GRM7: variants seen among roughly 807,000 people sequenced by gnomAD.
GRM7 encodes glutamate metabotropic receptor 7.
A neutral mutation model predicts 84.5 loss-of-function variants in GRM7; 35 were observed. That is an observed-to-expected ratio of 0.41 (90% CI 0.32 to 0.55). The LOEUF is 0.55. GRM7 is among the 20% of genes least tolerant of loss of function. The probability of loss-of-function intolerance (pLI) is 0.19; values close to 1 mark genes in which losing one functional copy is unlikely to be tolerated. For synonymous variants in GRM7, 487 were observed against 455.1 expected (o/e 1.07, Z -0.89); for missense variants, 1,003 against 1,194.6 (o/e 0.84, Z 2.36).
At chr3:7,715,470 C>G (rs1181970166) in intron 9 of GRM7, among the ~76,000 whole-genome samples, 1 of 151,996 alleles carries the variant, frequency 6.6e-6, no homozygotes, top group East Asian at 1.9e-4. Context: ...TGTCTCAAAA[C>G]AAATAAAGCA....
chr3:7,725,053 T>G (rs181216431), intron 9 of GRM7, among the ~76,000 whole-genome samples: 65 of 152,306 alleles, frequency 4.3e-4, no homozygotes, highest in African/African-American at 1.4e-3. Flanking sequence ...GGATATAATT[T>G]TCATCAAGAC....
rs1051414550 is a variant in GRM7, at chr3:7,519,390, C to T, written c.1515+57668C>T. On this transcript the variant is annotated intron_variant, in intron 7 of 9. Transcript: ENST00000357716. Reference sequence around the variant, plus strand: ...AAAAAAAAAATGCCAAACATATTTGCCATTATATTTTCATTCCTGCTGGAA... The same window carrying T: ...AAAAAAAAAATGCCAAACATATTTGTCATTATATTTTCATTCCTGCTGGAA... 2.7e-5 allele frequency among the ~76,000 whole-genome samples: 4 copies of T among 146,154 alleles called. No homozygotes were observed. In the South Asian group the frequency reaches 6.7e-4, roughly 24 times the overall value.
intron 2 of GRM7, among the ~76,000 whole-genome samples, chr3:7,295,813 T>C (rs2125017376): frequency 6.7e-6 from 1 of 148,808 alleles, no homozygotes; most frequent in East Asian, 1.9e-4. Flanking sequence ...GGAGATTTTT[T>C]GATAGCTTTT....
intron 7 of GRM7, among the ~76,000 whole-genome samples, chr3:7,572,823 AATATAT>A (rs1158871205): frequency 0.018 from 222 of 12,230 alleles, 1 homozygote; most frequent in East Asian, 0.03. Context: ...CTCTATCTCA[AATATAT>A]ATATATATAT....
chr3:7,654,939 T>C (rs1699112152), intron 8 of GRM7, among the ~76,000 whole-genome samples: 2 of 152,206 alleles, frequency 1.3e-5, no homozygotes, highest in Admixed American at 6.5e-5. Flanking sequence ...TTTCTTACCT[T>C]CCTCTCTTCC....
intron 1 of GRM7, among the ~76,000 whole-genome samples, chr3:6,938,974 T>A (rs1697790403): frequency 6.6e-6 from 1 of 152,188 alleles, no homozygotes; most frequent in Admixed American, 6.5e-5. Flanking sequence ...TCAAATTAAT[T>A]CAGTGCATAA....
intron 8 of GRM7, among the ~76,000 whole-genome samples, chr3:7,645,359 C>A (rs3792442): frequency 2.0e-4 from 31 of 151,558 alleles, no homozygotes; most frequent in Admixed American, 1.1e-3. Flanking sequence ...CCATCCTGGC[C>A]AACATGGTGA....
intron 2 of GRM7, among the ~76,000 whole-genome samples, chr3:7,186,635 C>A (rs765495324): frequency 1.3e-5 from 2 of 152,158 alleles, no homozygotes; most frequent in Admixed American, 6.5e-5. Context: ...GTCTGTCTAT[C>A]TAATCTATCT....
At chr3:6,896,972 C>G (rs185497699) in intron 1 of GRM7, among the ~76,000 whole-genome samples, 53 of 152,208 alleles carry the variant, frequency 3.5e-4, no homozygotes, top group Non-Finnish European at 6.3e-4. Context: ...ATTTGTTTGC[C>G]TAAGTGTTTG....
chr3:7,208,850 G>A (rs73126269), intron 2 of GRM7, among the ~76,000 whole-genome samples: 5,234 of 152,148 alleles, frequency 0.034, 271 homozygotes, highest in African/African-American at 0.12. Flanking sequence ...TTCCCAAGAG[G>A]GTATAATAGA....
intron 4 of GRM7, among the ~76,000 whole-genome samples, chr3:7,322,344 T>C (rs1700813782): frequency 6.6e-6 from 1 of 152,098 alleles, no homozygotes; most frequent in African/African-American, 2.4e-5. Context: ...TGGATTTCAT[T>C]ATAAGAGCTA....
At chr3:7,467,632 A>G (rs886908907) in intron 7 of GRM7, among the ~76,000 whole-genome samples, 49 of 148,076 alleles carry the variant, frequency 3.3e-4, no homozygotes, top group Admixed American at 1.4e-4. Flanking sequence ...TTCAGGGAAG[A>G]GAACTCAAAA....
rs114556397 is a variant in GRM7, at chr3:7,352,966, G to C, written c.1033+46314G>C. On this transcript the variant is annotated intron_variant, in intron 4 of 9. Coordinates refer to ENST00000357716, the MANE Select transcript of GRM7 (RefSeq NM_000844.4). ...GAGAGTTCAACTTCATTGTAAGCCA[G>C]CCAATGGCTTGATAAGGACTTGTGT... Among the ~76,000 whole-genome samples the C allele has an allele frequency of 9.2e-3, 1,404 of 152,236 alleles. 13 individuals carry two copies. The highest frequency in any genetic ancestry group is 0.027 in the Admixed American group (409 of 15,286).
At chr3:7,345,077 T>A (rs563892255) in intron 4 of GRM7, among the ~76,000 whole-genome samples, 145 of 152,136 alleles carry the variant, frequency 9.5e-4, no homozygotes, top group African/African-American at 3.3e-3. Context: ...TTTTTAAATG[T>A]TTTTTAAAAA....
intron 9 of GRM7, among the ~76,000 whole-genome samples, chr3:7,711,387 C>T (rs1031192734): frequency 6.6e-6 from 1 of 152,050 alleles, no homozygotes; most frequent in Non-Finnish European, 1.5e-5. Context: ...TTAGTGGGCA[C>T]CCAAATGGCA....
chr3:7,630,105 A>G (rs1411935887), intron 8 of GRM7, among the ~76,000 whole-genome samples: 2 of 152,212 alleles, frequency 1.3e-5, no homozygotes, highest in East Asian at 1.9e-4. Flanking sequence ...TCAGCCATAC[A>G]TAAGTTTGAT....
chr3:7,400,346 C>G (rs1301957359), intron 4 of GRM7, among the ~76,000 whole-genome samples: 1 of 152,168 alleles, frequency 6.6e-6, no homozygotes, highest in Non-Finnish European at 1.5e-5. Context: ...TATTCTTCCT[C>G]AAATGCAGCT....
chr3:7,614,035 G>A (rs1056333006), intron 8 of GRM7, among the ~76,000 whole-genome samples: 6 of 152,126 alleles, frequency 3.9e-5, no homozygotes, highest in Admixed American at 2.0e-4. Context: ...AGGCCAAGGC[G>A]AGCTGATCAT....
rs182100274 is a variant in GRM7, at chr3:6,934,378, G to A, written c.519+72471G>A. 5.7e-3 allele frequency among the ~76,000 whole-genome samples: 874 copies of A among 152,026 alleles called. 10 individuals are homozygous for A. The highest frequency in any genetic ancestry group is 0.051 in the South Asian group (244 of 4,794). On this transcript the variant is annotated intron_variant, in intron 1 of 9. Coordinates refer to ENST00000357716, the MANE Select transcript of GRM7 (RefSeq NM_000844.4). ...TACTGGGCACAGATACAATAGTAAG[G>A]TACCATGAAAACTGCCCCCCACCCT... is the stretch of plus-strand genomic sequence containing the variant.
Sources: gnomAD v4.1 joint callset for allele counts (sites outside exome capture counted in the v4.1 genomes callset) on GRCh38, gnomAD v4.1.1 for gene constraint, MANE v1.5 for transcripts, NCBI Gene and HGNC (gene_info 2026-07-23, HGNC 2026-07-21) for gene names.